EYA4: variants seen among roughly 807,000 people sequenced by gnomAD.
The protein encoded by EYA4 is protein phosphatase EYA4.
Under a neutral mutation model 87.9 loss-of-function variants are expected in EYA4, and 31 were observed. The ratio of observed to expected loss-of-function variants is 0.35; its 90% CI spans 0.27 to 0.48. The LOEUF is 0.48. Among genes scored for constraint, EYA4 ranks in the 20% least tolerant of loss-of-function variants. The pLI is 0.99. For missense variants in EYA4, 678 were observed against 761.4 expected, an observed-to-expected ratio of 0.89 and a Z score of 1.29; for synonymous variants, 263 against 270.6, an observed-to-expected ratio of 0.97 and a Z score of 0.28.
chr6:133,359,251 G>A (rs1784292110), intron 2 of EYA4, among the ~76,000 whole-genome samples: 1 of 152,152 alleles, frequency 6.6e-6, no homozygotes, highest in African/African-American at 2.4e-5. Context: ...TGCTGGGAGG[G>A]GAGGATGAAA....
intron 18 of EYA4, among the ~76,000 whole-genome samples, chr6:133,523,575 G>A (rs1800372080): frequency 1.3e-5 from 2 of 152,118 alleles, no homozygotes; most frequent in Non-Finnish European, 2.9e-5. Context: ...GATTGAACGA[G>A]TGCCCTTAAT....
intron 2 of EYA4, among the ~76,000 whole-genome samples, chr6:133,346,529 A>G (rs1262812175): frequency 1.3e-5 from 2 of 152,220 alleles, no homozygotes; most frequent in Non-Finnish European, 2.9e-5. Flanking sequence ...TCTCAAAATT[A>G]TAGTCTTAGA....
intron 2 of EYA4, among the ~76,000 whole-genome samples, chr6:133,297,333 A>G (rs1260422645): frequency 1.3e-5 from 2 of 152,168 alleles, no homozygotes; most frequent in African/African-American, 4.8e-5. Context: ...GTTTGGCTTC[A>G]CAGATAGCAT....
chr6:133,400,032 T>A (rs1788123641), intron 3 of EYA4, among the ~76,000 whole-genome samples: 2 of 152,342 alleles, frequency 1.3e-5, no homozygotes, highest in South Asian at 2.1e-4. Flanking sequence ...ATCACTTGAT[T>A]TTTTTGTTTC....
At chr6:133,430,056 T>G (rs1791050118) in intron 3 of EYA4, among the ~76,000 whole-genome samples, 1 of 152,172 alleles carries the variant, frequency 6.6e-6, no homozygotes, top group South Asian at 2.1e-4. Flanking sequence ...TGTCTATTGT[T>G]CCCATCTTTA....
At chr6:133,479,407 G>A (rs34950020) in intron 11 of EYA4, among the ~76,000 whole-genome samples, 40,199 of 152,098 alleles carry the variant, frequency 0.26, 5,771 homozygotes, top group South Asian at 0.38. Context: ...AATATTTGGA[G>A]CACAGGCATA....
At chr6:133,456,485 C>A in intron 5 of EYA4, 71 bp from the exon 6 acceptor site, 2 of 1,036,820 alleles carry the variant, frequency 1.9e-6, no homozygotes, top group Non-Finnish European at 3.1e-6. Flanking sequence ...AGAAATATCA[C>A]TAGTAGAACG....
In EYA4 at chr6:133,529,053, T is replaced by C. The variant is rs1264973260; in HGVS notation, c.*248T>C. ...TTTTTTAAAAATCTGTGGAGGTTGC[T>C]GGTACACACCAAATGAGTCCAAACT... On this transcript the variant is annotated 3_prime_UTR_variant, in exon 20 of 20. Transcript: ENST00000355286. 1.6e-6 allele frequency: 2 copies of C among 1,270,864 alleles called. No homozygotes were observed. Among genetic ancestry groups the C allele is most frequent in the East Asian group, 4.1e-5 (1 of 24,146 alleles). 78.7% of individuals were successfully genotyped at this position (1,270,864 alleles called of 1,614,324 possible).
chr6:133,302,556 G>T (rs6924144), intron 2 of EYA4, among the ~76,000 whole-genome samples: 127,409 of 152,212 alleles, frequency 0.84, 53,807 homozygotes, highest in African/African-American at 0.95. Flanking sequence ...TTATACTTGT[G>T]TTTTTAGCCT....
chr6:133,485,971 C>T (rs1176642201), intron 13 of EYA4, among the ~76,000 whole-genome samples: 2 of 152,158 alleles, frequency 1.3e-5, no homozygotes, highest in Admixed American at 1.3e-4. Context: ...GTTCGAAAAT[C>T]GAGTTCTGAT....
intron 3 of EYA4, among the ~76,000 whole-genome samples, chr6:133,413,942 T>C (rs1340052511): frequency 6.6e-6 from 1 of 152,220 alleles, no homozygotes; most frequent in Non-Finnish European, 1.5e-5. Context: ...TGATTCTTTT[T>C]TCATGCTCTC....
At chr6:133,414,640 GA>G (rs889298054) in intron 3 of EYA4, among the ~76,000 whole-genome samples, 3 of 152,168 alleles carry the variant, frequency 2.0e-5, no homozygotes, top group Non-Finnish European at 4.4e-5. Context: ...ACCATGGCCT[GA>G]AAATTTTCCC....
chr6:133,504,886 A>G (rs1176093181), intron 13 of EYA4, among the ~76,000 whole-genome samples: 1 of 152,208 alleles, frequency 6.6e-6, no homozygotes, highest in Non-Finnish European at 1.5e-5. Context: ...GCCAACTATT[A>G]GAACGTTGAA....
intron 2 of EYA4, among the ~76,000 whole-genome samples, chr6:133,356,074 AG>A (rs1299685406): frequency 6.6e-6 from 1 of 150,828 alleles, no homozygotes; most frequent in African/African-American, 2.5e-5. Context: ...AGAGAGAGAG[AG>A]AGAGAAAAGA....
chr6:133,346,393 G>A (rs796727769), intron 2 of EYA4, among the ~76,000 whole-genome samples: 11 of 152,226 alleles, frequency 7.2e-5, no homozygotes, highest in African/African-American at 2.4e-4. Flanking sequence ...AGACGAAGTC[G>A]TATTCTGATG....
chr6:133,247,627 T>G (rs1257245592), intron 1 of EYA4: 2 of 152,218 alleles, frequency 1.3e-5, no homozygotes, highest in Non-Finnish European at 2.9e-5. Flanking sequence ...TTTTACAATT[T>G]TATAGTATTT....
At chr6:133,325,679 A>G (rs1781445996) in intron 2 of EYA4, among the ~76,000 whole-genome samples, 1 of 152,162 alleles carries the variant, frequency 6.6e-6, no homozygotes, top group African/African-American at 2.4e-5. Context: ...TGCATCTGGA[A>G]AGACTGATAT....
rs953268173 is a variant in EYA4 at position 133,404,061 on chromosome 6, G to A, written c.83+21620G>A. Among the ~76,000 whole-genome samples, 25 of 152,184 alleles carry A rather than the reference G, an allele frequency of 1.6e-4. 1 individual carries two copies. The highest frequency in any genetic ancestry group is 1.2e-3 in the Admixed American group (19 of 15,288). On this transcript the variant is annotated intron_variant, in intron 3 of 19. Coordinates refer to ENST00000355286, the MANE Select transcript of EYA4 (RefSeq NM_004100.5). ...ACTCCCGACCTCAGGTGATCCACCC[G>A]CCTCAGCCTCCCAAAGTGCTAAGAT...
At chr6:133,361,053 A>G (rs1452819259) in intron 2 of EYA4, among the ~76,000 whole-genome samples, 1 of 152,182 alleles carries the variant, frequency 6.6e-6, no homozygotes, top group Non-Finnish European at 1.5e-5. Context: ...GTAATACCTG[A>G]TACTCCAGAG....
Sources: gnomAD v4.1 joint callset for allele counts (sites outside exome capture counted in the v4.1 genomes callset) on GRCh38, gnomAD v4.1.1 for gene constraint, MANE v1.5 for transcripts, NCBI Gene and HGNC (gene_info 2026-07-23, HGNC 2026-07-21) for gene names.